MAGEL2: variants seen among roughly 807,000 people sequenced by gnomAD.
MAGEL2 encodes MAGE-like protein 2.
For synonymous variants in MAGEL2, 792 were observed against 721.7 expected (o/e 1.10, Z -1.56); for missense variants, 1,830 against 1,699.2 (o/e 1.08, Z -1.35).
Position 23,646,480 on chromosome 15 carries a change from T to C in MAGEL2, c.1263A>G (p.Pro421=). ...CCGGTGGTGGGCCAGGGCGGATGGG[T>C]GGTGGGCCAGGGCGGATGGGCGGGG... ...QGPPPIRPGP[P]PIRPGPPPVR... is the part of the protein sequence containing the mutation. The change falls in exon 1 of 1, where the codon CCA becomes CCG. Residue 421 remains proline (P), a synonymous_variant. Coordinates refer to ENST00000650528, the MANE Select transcript of MAGEL2 (RefSeq NM_019066.5). This position sits in a 1 kb window ranked among gnomAD's most constrained non-coding sequence, Gnocchi z 4.2. 4 of 1,424,572 alleles carry C rather than the reference T, an allele frequency of 2.8e-6. No homozygotes were observed. Among genetic ancestry groups the C allele is most frequent in the Non-Finnish European group, 3.6e-6 (4 of 1,098,210 alleles). 88.2% of individuals were successfully genotyped at this position (1,424,572 alleles called of 1,614,324 possible).
Position 23,647,247 on chromosome 15 carries a change from C to T in MAGEL2, c.496G>A (p.Gly166Arg), listed in dbSNP as rs887019878. The part of the protein sequence containing the change: ...GTPMAHPPPP[G>R]TPMAHPPPPG... ...GGAGGAGGATGGGCCATCGGGGTCC[C>T]CGGAGGAGGAGGATGGGCCATTGGG... is the stretch of plus-strand genomic sequence containing the variant. The change falls in exon 1 of 1, where the codon GGG becomes AGG. Residue 166 changes from glycine to arginine, a missense_variant. Coordinates refer to ENST00000650528, the MANE Select transcript of MAGEL2 (RefSeq NM_019066.5). 4 of 1,527,840 alleles carry T rather than the reference C, an allele frequency of 2.6e-6. No homozygotes were observed. The highest frequency in any genetic ancestry group is 1.4e-5 in the African/African-American group (1 of 72,954). 94.6% of individuals were successfully genotyped at this position (1,527,840 alleles called of 1,614,324 possible). A position where few individuals can be genotyped will look rare whatever the true frequency, so the allele number is the denominator to read the frequency against.
In MAGEL2 at chr15:23,647,046, G is replaced by C; in HGVS notation, c.697C>G (p.Pro233Ala). 1.3e-6 allele frequency: 2 copies of C among 1,536,862 alleles called. No individual in the cohort carries two copies. The highest frequency in any genetic ancestry group is 1.7e-6 in the Non-Finnish European group (2 of 1,146,808). ...TGGGCCATCAGGACTCCCGGAGCTG[G>C]AGGCTGGGCCATCGGTGTACCCGGA... is the stretch of plus-strand genomic sequence containing the variant. ...PPPGTPMAQP[P>A]APGVLMAQPL... Residue 233 changes from proline (P) to alanine (A), a missense_variant, in exon 1 of 1, where the codon CCA (proline) becomes GCA (alanine). By Grantham distance (27) the Pro-to-Ala change is conservative (BLOSUM62 -1). Transcript: ENST00000650528.
Position 23,644,871 on chromosome 15 carries a change from A to G in MAGEL2, c.2872T>C (p.Trp958Arg), listed in dbSNP as rs1197469305. ...GCCCAGGATGCGCTGGGCCCTTCCC[A>G]GCCACTCAGGATCCTGGAGGTGCTA... ...GPSTSRILSG[W>R]EGPSASWALS... The change falls in exon 1 of 1, where the codon TGG (tryptophan) becomes CGG (arginine). Residue 958 changes from tryptophan to arginine, a missense_variant. By Grantham distance (101) the Trp-to-Arg change is moderately radical. Transcript: ENST00000650528. 4.3e-6 allele frequency: 7 copies of G among 1,612,494 alleles called. No individual in the cohort carries two copies. Among genetic ancestry groups the G allele is most frequent in the Admixed American group, 1.7e-5 (1 of 60,014 alleles).
At position 23,645,335 on chromosome 15, in the gene MAGEL2, G is replaced by A. The variant is rs371119917; in HGVS notation, c.2408C>T (p.Ala803Val). The A allele has an allele frequency of 3.7e-6, 6 of 1,613,886 alleles. No individual in the cohort carries two copies. Among genetic ancestry groups the A allele is most frequent in the Non-Finnish European group, 5.1e-6 (6 of 1,179,904 alleles). ...TGAGGCAGCAGAGGGGCCTTTAAAGGCATTCAGAGAGGCAGGCTGAAACTG... is the reference window on the plus strand; with the variant it reads ...TGAGGCAGCAGAGGGGCCTTTAAAGACATTCAGAGAGGCAGGCTGAAACTG... ...TSQFQPASLN[A>V]FKGPSAASET... Residue 803 changes from alanine (A) to valine (V), a missense_variant, in exon 1 of 1, where the codon GCC becomes GTC. By Grantham distance (64) the Ala-to-Val change is moderately conservative. Coordinates refer to ENST00000650528, the MANE Select transcript of MAGEL2 (RefSeq NM_019066.5).
rs1291266947 is a variant in MAGEL2, at chr15:23,646,807, C to A, written c.936G>T (p.Ala312=). Residue 312 remains alanine (A), a synonymous_variant, in exon 1 of 1, where the codon GCG becomes GCT. Transcript: ENST00000650528. This position sits in a 1 kb window ranked among gnomAD's most constrained non-coding sequence, Gnocchi z 4.2. ...GGGCCATCGGCTGTGCAGGTGGGGC[C>A]GCCGGCTGTGCCATCGGTGCTCCTG... The part of the protein sequence containing the change: ...PASGAPMAQP[A]APPAQPMAPP... 1 of 1,535,830 alleles carries A rather than the reference C, an allele frequency of 6.5e-7. No individual in the cohort carries two copies. Among genetic ancestry groups the A allele is most frequent in the Non-Finnish European group, 8.7e-7 (1 of 1,146,746 alleles).
Position 23,643,983 on chromosome 15 carries a change from G to C in MAGEL2, c.*10C>G. ...AGGGAAACACAGGAGCGAGATCTCT[G>C]CTACACCTATTAGCGGGGAGGGGGC... On this transcript the variant is annotated 3_prime_UTR_variant, in exon 1 of 1. Transcript: ENST00000650528. The C allele has an allele frequency of 6.3e-7, 1 of 1,579,930 alleles. No individual in the cohort carries two copies. The highest frequency in any genetic ancestry group is 8.6e-7 in the Non-Finnish European group (1 of 1,161,458).
rs370956711 is a variant in MAGEL2, at chr15:23,645,036, G to C, written c.2707C>G (p.Leu903Val). The change falls in exon 1 of 1, where the codon CTA (leucine) becomes GTA (valine). Residue 903 changes from leucine to valine, a missense_variant. Physicochemically the swap from Leu to Val is conservative, Grantham distance 32. Coordinates refer to ENST00000650528, the MANE Select transcript of MAGEL2 (RefSeq NM_019066.5). ...GGGCCCTGCCAGTCATGAAAGGCTAGCGTGTGGCCACGGCTGTCCTCTTGG... is the reference window on the plus strand; with the variant it reads ...GGGCCCTGCCAGTCATGAAAGGCTACCGTGTGGCCACGGCTGTCCTCTTGG... ...EAQEDSRGHT[L>V]AFHDWQGPRP... 1 of 1,613,972 alleles carries C rather than the reference G, an allele frequency of 6.2e-7. No homozygotes were observed. Among genetic ancestry groups the C allele is most frequent in the Non-Finnish European group, 8.5e-7 (1 of 1,179,902 alleles).
Position 23,645,036 on chromosome 15 carries a change from G to A in MAGEL2, c.2707C>T (p.Leu903=), listed in dbSNP as rs370956711. Residue 903 remains leucine, a synonymous_variant, in exon 1 of 1, where the codon CTA becomes TTA. Transcript: ENST00000650528. ...EAQEDSRGHT[L]AFHDWQGPRP... ...GGGCCCTGCCAGTCATGAAAGGCTA[G>A]CGTGTGGCCACGGCTGTCCTCTTGG... 2.5e-6 allele frequency: 4 copies of A among 1,613,854 alleles called. No homozygotes were observed. The highest frequency in any genetic ancestry group is 3.4e-6 in the Non-Finnish European group (4 of 1,179,910).
rs780037068 is a variant in MAGEL2 at position 23,644,206 on chromosome 15, C to T, written c.3537G>A (p.Glu1179=). The T allele has an allele frequency of 4.3e-6, 7 of 1,613,916 alleles. No individual in the cohort carries two copies. The East Asian group carries it at 1.3e-4, about 31-fold the overall frequency. ...CTCGAGGGCCCCAGAGGAACTCATA[C>T]TCTGCGGGCTCAGTGTAAGGGATTC... The part of the protein sequence containing the change: ...YRRIPYTEPA[E]YEFLWGPRAF... The change falls in exon 1 of 1, where the codon GAG becomes GAA. Residue 1179 remains glutamate (E), a synonymous_variant. Transcript: ENST00000650528.
chr15:23,644,772 C>A lies in MAGEL2; in HGVS notation c.2971G>T (p.Val991Leu). The stretch of plus-strand genomic sequence containing the variant: ...ACACTTGCGACCTCAGACACAACTA[C>A]GGGCAGAGAGCTCCCTGGGCTTTCA... ...LSESPGSSLP[V>L]VVSEVASVSP... Residue 991 changes from valine to leucine, a missense_variant, in exon 1 of 1, where the codon GTA (valine) becomes TTA (leucine). Coordinates refer to ENST00000650528, the MANE Select transcript of MAGEL2 (RefSeq NM_019066.5). 1 of 1,613,694 alleles carries A rather than the reference C, an allele frequency of 6.2e-7. No individual in the cohort carries two copies. The highest frequency in any genetic ancestry group is 8.5e-7 in the Non-Finnish European group (1 of 1,179,866).
Position 23,643,987 on chromosome 15 carries a change from C to A in MAGEL2, c.*6G>T. The A allele has an allele frequency of 1.3e-6, 2 of 1,582,188 alleles. No individual in the cohort carries two copies. Among genetic ancestry groups the A allele is most frequent in the Admixed American group, 1.8e-5 (1 of 56,986 alleles). On this transcript the variant is annotated 3_prime_UTR_variant, in exon 1 of 1. Coordinates refer to ENST00000650528, the MANE Select transcript of MAGEL2 (RefSeq NM_019066.5). ...AAACACAGGAGCGAGATCTCTGCTA[C>A]ACCTATTAGCGGGGAGGGGGCCTGC...
chr15:23,646,431 G>A lies in MAGEL2; in HGVS notation c.1312C>T (p.Arg438Cys). Residue 438 changes from arginine to cysteine, a missense_variant, in exon 1 of 1, where the codon CGC (arginine) becomes TGC (cysteine). Transcript: ENST00000650528. The surrounding 1 kb of genome is among the most constrained non-coding windows in gnomAD (Gnocchi z 4.2). ...PPVRQAPPLIRQAPPVIRQAP... is the reference protein window; with the variant it reads ...PPVRQAPPLICQAPPVIRQAP... ...TGGCGGATCACCGGTGGGGCCTGGCGGATCAGCGGTGGGGCCTGTCGCACC... is the reference window on the plus strand; with the variant it reads ...TGGCGGATCACCGGTGGGGCCTGGCAGATCAGCGGTGGGGCCTGTCGCACC... 2.8e-6 allele frequency: 4 copies of A among 1,414,578 alleles called. No individual in the cohort carries two copies. The highest frequency in any genetic ancestry group is 3.7e-6 in the Non-Finnish European group (4 of 1,094,794). 87.6% of individuals were successfully genotyped at this position (1,414,578 alleles called of 1,614,324 possible).
chr15:23,646,085 G>C lies in MAGEL2; in HGVS notation c.1658C>G (p.Ala553Gly), dbSNP rs1025712329. 6 of 1,460,984 alleles carry C rather than the reference G, an allele frequency of 4.1e-6. No homozygotes were observed. Among genetic ancestry groups the C allele is most frequent in the Non-Finnish European group, 5.4e-6 (6 of 1,113,106 alleles). The allele number at this position is 1,460,984 out of a possible 1,614,324, so 90.5% of individuals were successfully genotyped here. Reference sequence around the variant, plus strand: ...CACCTGCGGGCCAGCGGGCGGCGCCGCGGGTACCTGCGTAGCAGGTGGGGC... The same window carrying C: ...CACCTGCGGGCCAGCGGGCGGCGCCCCGGGTACCTGCGTAGCAGGTGGGGC... Reference protein sequence around the residue: ...PTAPPATQVPAAPPAGPQVPQ... With the variant: ...PTAPPATQVPGAPPAGPQVPQ... Residue 553 changes from alanine to glycine, a missense_variant, in exon 1 of 1, where the codon GCG (alanine) becomes GGG (glycine). Transcript: ENST00000650528. The surrounding 1 kb of genome is among the most constrained non-coding windows in gnomAD (Gnocchi z 4.2).
chr15:23,647,867 T>A lies in MAGEL2; in HGVS notation c.-125A>T. 1 of 1,010,806 alleles carries A rather than the reference T, an allele frequency of 9.9e-7. No individual in the cohort carries two copies. Among genetic ancestry groups the A allele is most frequent in the African/African-American group, 1.6e-5 (1 of 60,806 alleles). The allele number at this position is 1,010,806 out of a possible 1,614,324, so 62.6% of individuals were successfully genotyped here. A position where few individuals can be genotyped will look rare whatever the true frequency, so the allele number is the denominator to read the frequency against. ...TCCCTGCTGAATGCTGAATAGGAAG[T>A]GAGTGCTGCTCGCTCCGCAGCTTTC... On this transcript the variant is annotated 5_prime_UTR_variant, in exon 1 of 1. Transcript: ENST00000650528.
Position 23,646,051 on chromosome 15 carries a change from A to C in MAGEL2, c.1692T>G (p.Pro564=). 2 of 1,523,256 alleles carry C rather than the reference A, an allele frequency of 1.3e-6. No homozygotes were observed. The allele number at this position is 1,523,256 out of a possible 1,614,324, so 94.4% of individuals were successfully genotyped here. A position where few individuals can be genotyped will look rare whatever the true frequency, so the allele number is the denominator to read the frequency against. Residue 564 remains proline, a synonymous_variant, in exon 1 of 1, where the codon CCT becomes CCG. Transcript: ENST00000650528. The surrounding 1 kb of genome is among the most constrained non-coding windows in gnomAD (Gnocchi z 4.2). Reference sequence around the variant, plus strand: ...GGGCAGACAGCGGGGCCGGCAGCACAGGCTGGGGCACCTGCGGGCCAGCGG... The same window carrying C: ...GGGCAGACAGCGGGGCCGGCAGCACCGGCTGGGGCACCTGCGGGCCAGCGG... ...APPAGPQVPQ[P]VLPAPLSAPL...
In MAGEL2 at chr15:23,647,162, G is replaced by T. The variant is rs1008059746; in HGVS notation, c.581C>A (p.Pro194His). Reference protein sequence around the residue: ...PPGTPMAHPPPPGTPMAHPPP... With the variant: ...PPGTPMAHPPHPGTPMAHPPP... ...AGGATGAGCCATCGGTGTCCCCGGA[G>T]GGGGAGGATGAGCCATCGGGGTCCC... Residue 194 changes from proline (P) to histidine (H), a missense_variant, in exon 1 of 1, where the codon CCT (proline) becomes CAT (histidine). Coordinates refer to ENST00000650528, the MANE Select transcript of MAGEL2 (RefSeq NM_019066.5). The T allele has an allele frequency of 4.6e-6, 7 of 1,525,110 alleles. No individual in the cohort carries two copies. The highest frequency in any genetic ancestry group is 6.1e-6 in the Non-Finnish European group (7 of 1,141,620). The allele number at this position is 1,525,110 out of a possible 1,614,324, so 94.5% of individuals were successfully genotyped here. A position where few individuals can be genotyped will look rare whatever the true frequency, so the allele number is the denominator to read the frequency against.
rs1192317769 is a variant in MAGEL2, at chr15:23,647,340, G to C, written c.403C>G (p.Pro135Ala). 2.0e-6 allele frequency: 3 copies of C among 1,536,666 alleles called. No individual in the cohort carries two copies. The highest frequency in any genetic ancestry group is 2.6e-6 in the Non-Finnish European group (3 of 1,146,748). ...PGVLMVHPSA[P>A]GAPMAHPPPP... ...GGAGGATGGGCCATGGGAGCTCCGG[G>C]AGCTGAAGGATGCACCATCAGGACT... Residue 135 changes from proline to alanine, a missense_variant, in exon 1 of 1, where the codon CCC becomes GCC. Coordinates refer to ENST00000650528, the MANE Select transcript of MAGEL2 (RefSeq NM_019066.5).
Position 23,645,859 on chromosome 15 carries a change from C to T in MAGEL2, c.1884G>A (p.Gln628=), listed in dbSNP as rs1386432140. 6.3e-7 allele frequency: 1 copy of T among 1,578,884 alleles called. No homozygotes were observed. Among genetic ancestry groups the T allele is most frequent in the Non-Finnish European group, 8.6e-7 (1 of 1,163,022 alleles). Residue 628 remains glutamine, a synonymous_variant, in exon 1 of 1, where the codon CAG becomes CAA. Coordinates refer to ENST00000650528, the MANE Select transcript of MAGEL2 (RefSeq NM_019066.5). ...TCTGGGCCTCCTGGGCAGGCAGGGG[C>T]TGCCAGATGTGAGTGGGGGCCTTCT... is the stretch of plus-strand genomic sequence containing the variant. ...QAQKAPTHIW[Q]PLPAQEAQRQ...
rs530410281 is a variant in MAGEL2, at chr15:23,647,290, G to A, written c.453C>T (p.His151=). The A allele has an allele frequency of 1.3e-6, 2 of 1,531,504 alleles. No individual in the cohort carries two copies. Among genetic ancestry groups the A allele is most frequent in the Non-Finnish European group, 1.7e-6 (2 of 1,145,072 alleles). The allele number at this position is 1,531,504 out of a possible 1,614,324, so 94.9% of individuals were successfully genotyped here. A position where few individuals can be genotyped will look rare whatever the true frequency, so the allele number is the denominator to read the frequency against. The part of the protein sequence containing the change: ...HPPPPGTPMS[H]PPPPGTPMAH... Reference sequence around the variant, plus strand: ...CCATTGGGGTCCCCGGAGGGGGAGGGTGGGACATTGGGGTCCCCGGAGGAG... The same window carrying A: ...CCATTGGGGTCCCCGGAGGGGGAGGATGGGACATTGGGGTCCCCGGAGGAG... The change falls in exon 1 of 1, where the codon CAC becomes CAT. Residue 151 remains histidine (H), a synonymous_variant. Coordinates refer to ENST00000650528, the MANE Select transcript of MAGEL2 (RefSeq NM_019066.5).
Sources: allele counts gnomAD v4.1 joint callset, GRCh38; gene constraint gnomAD v4.1.1; non-coding constraint Gnocchi (gnomAD v3.1); transcripts MANE v1.5; gene names NCBI Gene and HGNC (gene_info 2026-07-23, HGNC 2026-07-21).